PEMT: variants seen among roughly 807,000 people sequenced by gnomAD.
PEMT encodes the protein phospholipid methyltransferase.
PEMT carries 23 observed loss-of-function variants against 27.4 expected under a neutral mutation model. The ratio of observed to expected loss-of-function variants is 0.84; its 90% confidence interval spans 0.60 to 1.19. PEMT has a LOEUF of 1.19. Ranked by LOEUF, PEMT falls within the 50% of genes most tolerant of loss-of-function variation. PEMT has a pLI of 0.00. For missense variants in PEMT, 307 were observed against 310.1 expected (o/e 0.99, Z 0.07); for synonymous variants, 137 against 139.1 (o/e 0.98, Z 0.11).
intron 1 of PEMT, chr17:17,577,406 C>A: frequency 1.1e-6 from 1 of 943,148 alleles, no homozygotes; most frequent in Non-Finnish European, 1.3e-6. Flanking sequence ...AAGAGATGCT[C>A]AACCTACCAG....
chr17:17,507,185 C>T, intron 5 of PEMT: 1 of 1,559,800 alleles, frequency 6.4e-7, no homozygotes, highest in Non-Finnish European at 8.7e-7. Flanking sequence ...TCCCACAGCT[C>T]CCGCAGGTGC....
At chr17:17,542,902 G>A (rs1597910165) in intron 2 of PEMT, among the ~76,000 whole-genome samples, 1 of 152,242 alleles carries the variant, frequency 6.6e-6, no homozygotes, top group African/African-American at 2.4e-5. Flanking sequence ...CAGTGAAGCT[G>A]CCGTTCCTGC....
At chr17:17,559,671 G>T (rs1424178666) in intron 2 of PEMT, among the ~76,000 whole-genome samples, 1 of 152,222 alleles carries the variant, frequency 6.6e-6, no homozygotes, top group Non-Finnish European at 1.5e-5. Context: ...GGCATTTGTG[G>T]TTATCAGTGA....
intron 2 of PEMT, among the ~76,000 whole-genome samples, chr17:17,558,066 G>A (rs914461435): frequency 2.0e-5 from 3 of 152,174 alleles, no homozygotes; most frequent in African/African-American, 7.2e-5. Context: ...TGGAGGCTGG[G>A]CACAGGAGCG....
rs1907456457 is a variant in PEMT, at chr17:17,523,690, A to AGGGGTGAGGAGG, written c.205-1307_205-1296dup. On this transcript the variant is annotated intron_variant, in intron 2 of 6. Transcript: ENST00000255389. This position sits in a 1 kb window ranked among gnomAD's most constrained non-coding sequence, Gnocchi z 4.8. ...AAAAGGCGGAAGGAATAAGCGCTGC[A>AGGGGTGAGGAGG]GGGGTGAGGAGGGGGCTGCGGTGAC... 6.6e-6 allele frequency among the ~76,000 whole-genome samples: 1 copy of AGGGGTGAGGAGG among 150,438 alleles called. No homozygotes were observed. Among genetic ancestry groups the AGGGGTGAGGAGG allele is most frequent in the Non-Finnish European group, 1.5e-5 (1 of 67,686 alleles).
intron 3 of PEMT, among the ~76,000 whole-genome samples, chr17:17,521,858 C>T (rs1422928675): frequency 9.9e-5 from 15 of 152,268 alleles, no homozygotes; most frequent in East Asian, 1.9e-4. Context: ...TGAGCCACCA[C>T]GCCCGGCCTC....
At chr17:17,544,582 C>T (rs1382044942) in intron 2 of PEMT, among the ~76,000 whole-genome samples, 1 of 152,164 alleles carries the variant, frequency 6.6e-6, no homozygotes, top group Non-Finnish European at 1.5e-5. Flanking sequence ...GTGTTTCTAA[C>T]CATGAAGTCC....
intron 2 of PEMT, among the ~76,000 whole-genome samples, chr17:17,531,756 G>C (rs573414577): frequency 3.3e-5 from 5 of 149,368 alleles, no homozygotes; most frequent in Non-Finnish European, 7.4e-5. Flanking sequence ...AATATATAAA[G>C]CCTTCTAAAA....
rs1274248953 is a variant in PEMT at position 17,523,419 on chromosome 17, C to T, written c.205-1024G>A. 6.6e-6 allele frequency among the ~76,000 whole-genome samples: 1 copy of T among 152,216 alleles called. No individual in the cohort carries two copies. Among genetic ancestry groups the T allele is most frequent in the African/African-American group, 2.4e-5 (1 of 41,456 alleles). ...TGATTTCCTCAAGGCCACTGACTCC[C>T]AGAAGGTGGCTCCCTAGTGAGTCCT... is the stretch of plus-strand genomic sequence containing the variant. On this transcript the variant is annotated intron_variant, in intron 2 of 6. Coordinates refer to ENST00000255389, the MANE Select transcript of PEMT (RefSeq NM_148172.3). This position sits in a 1 kb window ranked among gnomAD's most constrained non-coding sequence, Gnocchi z 4.8.
At position 17,536,797 on chromosome 17, in the gene PEMT, G is replaced by A. The variant is rs148857113; in HGVS notation, c.205-14402C>T. Among the ~76,000 whole-genome samples, 417 of 152,370 alleles carry A rather than the reference G, an allele frequency of 2.7e-3. 1 individual carries two copies. The highest frequency in any genetic ancestry group is 9.3e-3 in the African/African-American group (387 of 41,582). ...CTGAAATGGTCCATTGGCCCCGTGG[G>A]ACCTGGTATGGCCGGGAGCAGGATG... On this transcript the variant is annotated intron_variant, in intron 2 of 6. Transcript: ENST00000255389.
At chr17:17,516,697 C>T (rs70963025) in intron 3 of PEMT, among the ~76,000 whole-genome samples, 13 of 152,222 alleles carry the variant, frequency 8.5e-5, no homozygotes, top group Non-Finnish European at 1.5e-4. Context: ...CAGCCACAGC[C>T]CCTCAGGTGC....
chr17:17,509,551 G>A lies in PEMT; in HGVS notation c.467-6C>T. On this transcript the variant is annotated splice_polypyrimidine_tract_variant and splice_region_variant and intron_variant, in intron 4 of 6. Coordinates refer to ENST00000255389, the MANE Select transcript of PEMT (RefSeq NM_148172.3). ...GAGGATCCCGAAGTAATCACCTGTGGATGAGGCAAGGCAGGGTCCCTCGGC... is the reference window on the plus strand; with the variant it reads ...GAGGATCCCGAAGTAATCACCTGTGAATGAGGCAAGGCAGGGTCCCTCGGC... The A allele has an allele frequency of 6.3e-7, 1 of 1,590,568 alleles. No homozygotes were observed. The highest frequency in any genetic ancestry group is 8.6e-7 in the Non-Finnish European group (1 of 1,158,596).
At chr17:17,553,086 G>A (rs1016350793) in intron 2 of PEMT, among the ~76,000 whole-genome samples, 1 of 152,328 alleles carries the variant, frequency 6.6e-6, no homozygotes, top group South Asian at 2.1e-4. Context: ...CTGGCCGGCT[G>A]GGGGATTAGG....
At chr17:17,568,076 T>C (rs1317607080) in intron 2 of PEMT, among the ~76,000 whole-genome samples, 5 of 149,840 alleles carry the variant, frequency 3.3e-5, no homozygotes, top group African/African-American at 5.0e-5. Context: ...CACACACACA[T>C]GCCACCATCC....
Position 17,512,634 on chromosome 17 carries a change from C to A in PEMT, c.341G>T (p.Ser114Ile). Residue 114 changes from serine (S) to isoleucine (I), a missense_variant, in exon 4 of 7, where the codon AGC becomes ATC. Physicochemically the swap from Ser to Ile is moderately radical, Grantham distance 142. Transcript: ENST00000255389. This position sits in a 1 kb window ranked among gnomAD's most constrained non-coding sequence, Gnocchi z 6.3. ...GTCCAGGCTCTCCATCCTGGGCTGG[C>A]TCAGCATGGCCTGCGTGAAGCTGTG... ...RSHCFTQAML[S>I]QPRMESLDTP... is the part of the protein sequence containing the mutation. The A allele has an allele frequency of 6.4e-7, 1 of 1,564,868 alleles. No homozygotes were observed. Among genetic ancestry groups the A allele is most frequent in the Non-Finnish European group, 8.7e-7 (1 of 1,152,000 alleles).
chr17:17,506,586 C>G (rs1051435014), intron 5 of PEMT, among the ~76,000 whole-genome samples: 1 of 152,258 alleles, frequency 6.6e-6, no homozygotes, highest in Non-Finnish European at 1.5e-5. Context: ...TCCGGGTCTC[C>G]AGCCGCCAGC....
In PEMT at chr17:17,582,401, AG is replaced by A; in HGVS notation, c.97-5375del. The stretch of plus-strand genomic sequence containing the variant: ...GGTAATTTACTCCATTGAGGGGTGC[AG>A]GGTTCTCGGGAGCAGCGCTCTGTGG... On this transcript the variant is annotated intron_variant, in intron 1 of 6. Coordinates refer to ENST00000255389, the MANE Select transcript of PEMT (RefSeq NM_148172.3). This position sits in a 1 kb window ranked among gnomAD's most constrained non-coding sequence, Gnocchi z 4.9. 1 of 985,448 alleles carries A rather than the reference AG, an allele frequency of 1.0e-6. No individual in the cohort carries two copies. Among genetic ancestry groups the A allele is most frequent in the Non-Finnish European group, 1.2e-6 (1 of 829,934 alleles). The allele number at this position is 985,448 out of a possible 1,614,324, so 61.0% of individuals were successfully genotyped here.
At chr17:17,531,602 A>C (rs1908092990) in intron 2 of PEMT, among the ~76,000 whole-genome samples, 1 of 135,046 alleles carries the variant, frequency 7.4e-6, no homozygotes, top group Non-Finnish European at 1.6e-5. Context: ...ATGCCACTGG[A>C]ACAATTGGCT....
At chr17:17,525,351 G>T (rs4924768) in intron 2 of PEMT, among the ~76,000 whole-genome samples, 1 of 152,192 alleles carries the variant, frequency 6.6e-6, no homozygotes, top group African/African-American at 2.4e-5. Flanking sequence ...ACTGGTATTC[G>T]ATGGGGCTGT....
Sources: gnomAD v4.1 joint callset for allele counts (sites outside exome capture counted in the v4.1 genomes callset) on GRCh38, gnomAD v4.1.1 for gene constraint, Gnocchi (gnomAD v3.1) non-coding constraint, MANE v1.5 for transcripts, NCBI Gene and HGNC (gene_info 2026-07-23, HGNC 2026-07-21) for gene names.